Variants in ARFGEF3 observed in about 807,000 individuals in gnomAD.
The protein encoded by ARFGEF3 is ARFGEF family member 3.
A neutral mutation model predicts 221.7 loss-of-function variants in ARFGEF3; 96 were observed. The observed-to-expected ratio is 0.43, with a 90% CI of 0.37 to 0.51. ARFGEF3 has a LOEUF of 0.51. Ranked by LOEUF, ARFGEF3 falls within the 20% of genes least tolerant of loss-of-function variation. The probability of loss-of-function intolerance (pLI) is 0.00; values close to 1 mark genes in which losing one functional copy is unlikely to be tolerated. For missense variants in ARFGEF3, 2,410 were observed against 2,789.9 expected (o/e 0.86, Z 3.07); for synonymous variants, 1,145 against 1,126.8 (o/e 1.02, Z -0.32).
chr6:138,172,770 AG>A (rs2114433004), intron 2 of ARFGEF3, among the ~76,000 whole-genome samples: 1 of 152,328 alleles, frequency 6.6e-6, no homozygotes, highest in South Asian at 2.1e-4. Flanking sequence ...ACTTCTTCAT[AG>A]GCATATGAAC....
intron 5 of ARFGEF3, among the ~76,000 whole-genome samples, chr6:138,237,735 G>A (rs1778313674): frequency 6.6e-6 from 1 of 152,132 alleles, no homozygotes; most frequent in Admixed American, 6.5e-5. Flanking sequence ...TCAAATGACA[G>A]CGTAGGTGCA....
chr6:138,288,909 G>C (rs775222865), intron 17 of ARFGEF3, among the ~76,000 whole-genome samples: 11 of 152,096 alleles, frequency 7.2e-5, no homozygotes, highest in Non-Finnish European at 1.2e-4. Context: ...TTGCATTACT[G>C]ACATCTGAAG....
intron 10 of ARFGEF3, among the ~76,000 whole-genome samples, chr6:138,258,994 G>A (rs1269039656): frequency 6.6e-6 from 1 of 152,194 alleles, no homozygotes; most frequent in Non-Finnish European, 1.5e-5. Flanking sequence ...CATCGTAGAT[G>A]TTCTAGCTTC....
chr6:138,318,035 T>C (rs188935417), intron 27 of ARFGEF3, among the ~76,000 whole-genome samples: 5 of 152,290 alleles, frequency 3.3e-5, no homozygotes. Context: ...TTTAAGTATT[T>C]TACTAACAAT....
chr6:138,188,644 T>G (rs1777237659), intron 2 of ARFGEF3, among the ~76,000 whole-genome samples: 1 of 152,198 alleles, frequency 6.6e-6, no homozygotes, highest in Non-Finnish European at 1.5e-5. Flanking sequence ...TATAAGGCAG[T>G]TACAGACAGG....
intron 12 of ARFGEF3, among the ~76,000 whole-genome samples, chr6:138,268,102 G>A (rs1482182283): frequency 2.0e-5 from 3 of 152,148 alleles, no homozygotes; most frequent in Non-Finnish European, 2.9e-5. Context: ...CAGCCACTGG[G>A]TGCTGGCCTG....
rs1779830641 is a variant in ARFGEF3 at position 138,311,526 on chromosome 6, A to C, written c.4200+16A>C. On this transcript the variant is annotated intron_variant, in intron 25 of 33. Coordinates refer to ENST00000251691, the MANE Select transcript of ARFGEF3 (RefSeq NM_020340.5). ...CTGCTCTCAGGTAGGGGAATGGTCC[A>C]GCTGGGCTCCCGGCCTGGAAACCTG... 6.4e-7 allele frequency: 1 copy of C among 1,558,664 alleles called. No homozygotes were observed. The highest frequency in any genetic ancestry group is 2.3e-5 in the East Asian group (1 of 42,822).
At chr6:138,268,901 T>C (rs78386693) in intron 12 of ARFGEF3, among the ~76,000 whole-genome samples, 2,148 of 152,346 alleles carry the variant, frequency 0.014, 44 homozygotes, top group African/African-American at 0.048. Flanking sequence ...GTACAAGATA[T>C]ATCTATTTCT....
intron 10 of ARFGEF3, among the ~76,000 whole-genome samples, chr6:138,260,898 A>T (rs964598853): frequency 3.3e-5 from 5 of 152,178 alleles, no homozygotes; most frequent in Admixed American, 2.6e-4. Context: ...TCTATTTGAA[A>T]ACCAGGTAAA....
At chr6:138,178,995 G>A (rs1354154919) in intron 2 of ARFGEF3, among the ~76,000 whole-genome samples, 3 of 152,136 alleles carry the variant, frequency 2.0e-5, no homozygotes, top group African/African-American at 7.2e-5. Context: ...TCAGGACTCT[G>A]ACCAATATTC....
chr6:138,219,578 A>G (rs1049060001), intron 4 of ARFGEF3, among the ~76,000 whole-genome samples: 1 of 152,162 alleles, frequency 6.6e-6, no homozygotes, highest in Non-Finnish European at 1.5e-5. Context: ...GGTGTGGCTG[A>G]GTGCACTGAC....
chr6:138,219,806 G>A (rs1777946312), intron 4 of ARFGEF3, among the ~76,000 whole-genome samples: 1 of 152,146 alleles, frequency 6.6e-6, no homozygotes, highest in African/African-American at 2.4e-5. Flanking sequence ...GTGTGTGTGT[G>A]TGTGTGTAGA....
At chr6:138,198,374 C>G (rs1777470786) in intron 2 of ARFGEF3, among the ~76,000 whole-genome samples, 1 of 152,110 alleles carries the variant, frequency 6.6e-6, no homozygotes, top group Non-Finnish European at 1.5e-5. Context: ...AGCATTGATA[C>G]TGATAAAAAT....
At chr6:138,326,561 T>C (rs1046282619) in intron 31 of ARFGEF3, among the ~76,000 whole-genome samples, 2 of 152,098 alleles carry the variant, frequency 1.3e-5, no homozygotes, top group Non-Finnish European at 2.9e-5. Context: ...AAAACCACCA[T>C]GAGATACCAT....
chr6:138,333,689 A>G (rs958638894), intron 32 of ARFGEF3, among the ~76,000 whole-genome samples: 3 of 151,994 alleles, frequency 2.0e-5, no homozygotes, highest in African/African-American at 4.8e-5. Flanking sequence ...TGATCCGCCC[A>G]CCTCGGCCTT....
intron 12 of ARFGEF3, among the ~76,000 whole-genome samples, chr6:138,264,865 A>C (rs1320627078): frequency 6.6e-6 from 1 of 152,000 alleles, no homozygotes; most frequent in African/African-American, 2.4e-5. Flanking sequence ...AAGACACTTA[A>C]ATCTCTGTAT....
chr6:138,311,297 C>T, intron 24 of ARFGEF3, 110 bp from the exon 25 acceptor site: 2 of 663,318 alleles, frequency 3.0e-6, no homozygotes, highest in Non-Finnish European at 5.3e-6. Flanking sequence ...CTCCCACTCT[C>T]TTTTAATAGA....
intron 29 of ARFGEF3, among the ~76,000 whole-genome samples, chr6:138,321,963 TAATG>T (rs775718260): frequency 6.6e-5 from 10 of 152,098 alleles, no homozygotes; most frequent in Non-Finnish European, 1.5e-4. Context: ...AGTCACATCT[TAATG>T]GATGGTGGCA....
chr6:138,308,814 C>T lies in ARFGEF3; in HGVS notation c.4049C>T (p.Ala1350Val). The T allele has an allele frequency of 6.2e-7, 1 of 1,613,864 alleles. No individual in the cohort carries two copies. The highest frequency in any genetic ancestry group is 8.5e-7 in the Non-Finnish European group (1 of 1,179,704). ...NTDNIQVFAN[A>V]ATSYIMCLMK... is the part of the protein sequence containing the mutation. ...GACAACATCCAGGTCTTTGCTAATG[C>T]AGCCACTAGCTACATCATGTGCCTT... The change falls in exon 24 of 34, where the codon GCA (alanine) becomes GTA (valine). Residue 1350 changes from alanine (A) to valine (V), a missense_variant. By Grantham distance (64) the Ala-to-Val change is moderately conservative. Coordinates refer to ENST00000251691, the MANE Select transcript of ARFGEF3 (RefSeq NM_020340.5).
Sources: allele counts gnomAD v4.1 joint callset (sites outside exome capture counted in the v4.1 genomes callset), GRCh38; gene constraint gnomAD v4.1.1; transcripts MANE v1.5; gene names NCBI Gene and HGNC (gene_info 2026-07-23, HGNC 2026-07-21).